The following SLC4A4 variants were observed in gnomAD, a reference collection of about 807,000 sequenced individuals.
The protein encoded by SLC4A4 is solute carrier family 4 member 4.
A neutral mutation model predicts 111.5 loss-of-function variants in SLC4A4; 27 were observed. The observed-to-expected ratio is 0.24, with a 90% CI of 0.18 to 0.33. The LOEUF (loss-of-function observed/expected upper bound fraction) is 0.33, where lower values mean the gene tolerates loss of function less well. Among genes scored for constraint, SLC4A4 ranks in the 10% least tolerant of loss-of-function variants. The pLI is 1.00. For missense variants in SLC4A4, 909 were observed against 1,315.5 expected (o/e 0.69, Z 4.78); for synonymous variants, 443 against 463.4 (o/e 0.96, Z 0.57).
intron 7 of SLC4A4, among the ~76,000 whole-genome samples, chr4:71,421,979 C>G (rs529829623): frequency 3.3e-5 from 5 of 152,070 alleles, no homozygotes; most frequent in African/African-American, 1.2e-4. Flanking sequence ...CAAGAAATAA[C>G]TAAGATCAGA....
intron 1 of SLC4A4, among the ~76,000 whole-genome samples, chr4:71,092,284 G>A (rs1043502992): frequency 2.0e-5 from 3 of 151,988 alleles, no homozygotes; most frequent in Non-Finnish European, 4.4e-5. Context: ...AAATTCATAT[G>A]GTTGATGGAT....
At chr4:71,146,833 A>T (rs911334187) in intron 2 of SLC4A4, among the ~76,000 whole-genome samples, 5 of 152,200 alleles carry the variant, frequency 3.3e-5, no homozygotes, top group Non-Finnish European at 5.9e-5. Context: ...GCATCAACTA[A>T]TGAGCAAAAT....
chr4:71,295,277 T>C (rs1724698635), intron 3 of SLC4A4, among the ~76,000 whole-genome samples: 1 of 152,170 alleles, frequency 6.6e-6, no homozygotes, highest in South Asian at 2.1e-4. Context: ...TGTATCTCTC[T>C]ATACTTACAA....
chr4:71,098,505 T>A (rs1321023930), intron 2 of SLC4A4, among the ~76,000 whole-genome samples: 1 of 152,164 alleles, frequency 6.6e-6, no homozygotes, highest in East Asian at 1.9e-4. Context: ...CCTTGGCTAT[T>A]CAGATTCTTT....
chr4:71,216,166 C>T (rs1470464555), intron 1 of SLC4A4, among the ~76,000 whole-genome samples: 2 of 152,112 alleles, frequency 1.3e-5, no homozygotes, highest in African/African-American at 4.8e-5. Context: ...ACCTTGGCCC[C>T]CCAATGTGCT....
intron 2 of SLC4A4, among the ~76,000 whole-genome samples, chr4:71,144,565 C>A (rs932125495): frequency 2.3e-4 from 35 of 151,852 alleles, no homozygotes; most frequent in African/African-American, 8.0e-4. Context: ...GATATTGATT[C>A]TTCCTACCCA....
At chr4:71,531,025 A>G (rs1223797008) in intron 16 of SLC4A4, among the ~76,000 whole-genome samples, 1 of 152,056 alleles carries the variant, frequency 6.6e-6, no homozygotes, top group Non-Finnish European at 1.5e-5. Context: ...GGTTTTATTT[A>G]CTGTGGTATC....
Position 71,474,117 on chromosome 4 carries a change from CA to C in SLC4A4, c.1903+1164del, listed in dbSNP as rs55943109. On this transcript the variant is annotated intron_variant, in intron 14 of 25. Transcript: ENST00000264485. ...GGCTGAGGGAGTAGCAAGACCCTGT[CA>C]AAAAAAAAAAAAAAAAGAGAAAGGG... Among the ~76,000 whole-genome samples, 959 of 121,106 alleles carry C rather than the reference CA, an allele frequency of 7.9e-3. 4 individuals are homozygous for C. The highest frequency in any genetic ancestry group is 0.022 in the African/African-American group (699 of 31,696). 79.5% of individuals were successfully genotyped at this position (121,106 alleles called of 152,430 possible).
intron 2 of SLC4A4, among the ~76,000 whole-genome samples, chr4:71,141,327 A>C (rs907110762): frequency 6.6e-6 from 1 of 152,150 alleles, no homozygotes; most frequent in Non-Finnish European, 1.5e-5. Flanking sequence ...AAACCCTTAC[A>C]TCACTTTCTG....
chr4:71,418,152 A>G (rs974423248), intron 7 of SLC4A4, among the ~76,000 whole-genome samples: 1 of 152,208 alleles, frequency 6.6e-6, no homozygotes, highest in Admixed American at 6.5e-5. Context: ...TTGAAATTTC[A>G]TCCTGTTTAG....
chr4:71,186,159 C>T (rs975055072), upstream of SLC4A4, among the ~76,000 whole-genome samples: 2 of 152,172 alleles, frequency 1.3e-5, no homozygotes, highest in African/African-American at 4.8e-5. Context: ...AGTACTTGAA[C>T]CTCATTATTA....
intron 2 of SLC4A4, among the ~76,000 whole-genome samples, chr4:71,152,023 A>G (rs1349879505): frequency 6.6e-6 from 1 of 151,776 alleles, no homozygotes; most frequent in African/African-American, 2.4e-5. Context: ...AACCCTCTCA[A>G]AAAAAAATTT....
intron 16 of SLC4A4, among the ~76,000 whole-genome samples, chr4:71,521,093 T>G (rs563248236): frequency 1.2e-4 from 19 of 152,258 alleles, no homozygotes; most frequent in African/African-American, 4.1e-4. Flanking sequence ...TATGCTCAAG[T>G]TAAGATAATG....
chr4:71,473,091 T>G (rs1356569303), intron 14 of SLC4A4, 121 bp downstream of exon 14: 4 of 1,103,964 alleles, frequency 3.6e-6, no homozygotes. Flanking sequence ...TTTTTTTCTC[T>G]GAAAAACTCT....
intron 7 of SLC4A4, among the ~76,000 whole-genome samples, chr4:71,408,269 T>G (rs2148996041): frequency 6.6e-6 from 1 of 152,314 alleles, no homozygotes; most frequent in Non-Finnish European, 1.5e-5. Flanking sequence ...ATAGTAAACC[T>G]TAACTCTTCT....
chr4:71,175,036 G>C (rs1287891664), intron 2 of SLC4A4, among the ~76,000 whole-genome samples: 1 of 152,188 alleles, frequency 6.6e-6, no homozygotes, highest in African/African-American at 2.4e-5. Context: ...TAGCCACTGT[G>C]TCATAGTTTG....
At chr4:71,273,250 G>GAGGA (rs1722822555) in intron 3 of SLC4A4, among the ~76,000 whole-genome samples, 2 of 152,196 alleles carry the variant, frequency 1.3e-5, no homozygotes. Context: ...TACATATATA[G>GAGGA]TGGATCAGAT....
intron 3 of SLC4A4, among the ~76,000 whole-genome samples, chr4:71,307,892 G>A (rs1725818878): frequency 6.6e-6 from 1 of 152,132 alleles, no homozygotes; most frequent in Admixed American, 6.5e-5. Flanking sequence ...ATCATAACTT[G>A]ATAGGTGTGG....
intron 2 of SLC4A4, among the ~76,000 whole-genome samples, chr4:71,147,581 G>A (rs1744212142): frequency 6.6e-6 from 1 of 152,132 alleles, no homozygotes; most frequent in African/African-American, 2.4e-5. Context: ...TGGAGAAGGA[G>A]GAAATAGGAA....
Sources: gnomAD v4.1 joint callset for allele counts (sites outside exome capture counted in the v4.1 genomes callset) on GRCh38, gnomAD v4.1.1 for gene constraint, MANE v1.5 for transcripts, NCBI Gene and HGNC (gene_info 2026-07-23, HGNC 2026-07-21) for gene names.